Variants in LY86 observed in about 807,000 individuals in gnomAD.
The protein encoded by LY86 is lymphocyte antigen 86, also known as MD-1, RP105-associated.
In LY86, 20 loss-of-function variants were observed where a neutral mutation model predicts 17.3. The observed-to-expected ratio is 1.15, with a 90% confidence interval of 0.81 to 1.68. The LOEUF is 1.68. Among genes scored for constraint, LY86 ranks in the 40% most tolerant of loss-of-function variants. LY86 has a pLI of 0.00. For synonymous variants in LY86, 74 were observed against 70.6 expected, an observed-to-expected ratio of 1.05 and a Z score of -0.24; for missense variants, 200 against 191.9, an observed-to-expected ratio of 1.04 and a Z score of -0.25.
intron 4 of LY86, among the ~76,000 whole-genome samples, chr6:6,653,616 T>C (rs989900475): frequency 9.2e-5 from 14 of 152,222 alleles, no homozygotes; most frequent in African/African-American, 3.1e-4. Flanking sequence ...ACAGTGTTGC[T>C]GCCAGCAAGG....
chr6:6,590,118 T>TA (rs34637229), intron 1 of LY86, among the ~76,000 whole-genome samples: 12,787 of 80,442 alleles, frequency 0.16, 1,236 homozygotes, highest in Non-Finnish European at 0.18. Flanking sequence ...AACTCTGTCT[T>TA]AAAAAAAAAA....
chr6:6,597,340 C>T (rs985099001), intron 1 of LY86, among the ~76,000 whole-genome samples: 5 of 152,256 alleles, frequency 3.3e-5, no homozygotes, highest in Non-Finnish European at 5.9e-5. Flanking sequence ...CAGAGGTTGT[C>T]GATCCTAATT....
In LY86 at chr6:6,646,858, G is replaced by A. The variant is rs183465664; in HGVS notation, c.353-2767G>A. On this transcript the variant is annotated intron_variant, in intron 3 of 4. Coordinates refer to ENST00000230568, the MANE Select transcript of LY86 (RefSeq NM_004271.4). Reference sequence around the variant, plus strand: ...TTCAGTAGCATCAGAGCTGCTGAATGTCTCTAAGAAAATATACATCTGGGC... The same window carrying A: ...TTCAGTAGCATCAGAGCTGCTGAATATCTCTAAGAAAATATACATCTGGGC... Among the ~76,000 whole-genome samples, 274 of 152,272 alleles carry A rather than the reference G, an allele frequency of 1.8e-3. 1 individual carries two copies. Among genetic ancestry groups the A allele is most frequent in the Admixed American group, 3.1e-3 (47 of 15,296 alleles).
At chr6:6,608,315 T>G (rs1291461132) in intron 1 of LY86, among the ~76,000 whole-genome samples, 1 of 152,242 alleles carries the variant, frequency 6.6e-6, no homozygotes, top group African/African-American at 2.4e-5. Flanking sequence ...AGCAATTTAT[T>G]TGGGGACTAA....
intron 1 of LY86, among the ~76,000 whole-genome samples, chr6:6,619,051 T>C (rs1463380689): frequency 2.0e-5 from 3 of 152,180 alleles, no homozygotes; most frequent in African/African-American, 7.2e-5. Flanking sequence ...ACTGAAGCCT[T>C]ATGCATCATC....
intron 1 of LY86, among the ~76,000 whole-genome samples, chr6:6,595,737 T>A (rs1760692692): frequency 1.3e-5 from 2 of 152,206 alleles, no homozygotes; most frequent in South Asian, 4.1e-4. Flanking sequence ...GGCCACTCTC[T>A]TATCATTAAG....
At chr6:6,636,128 C>T (rs1281196222) in intron 3 of LY86, among the ~76,000 whole-genome samples, 2 of 152,108 alleles carry the variant, frequency 1.3e-5, no homozygotes, top group Non-Finnish European at 1.5e-5. Flanking sequence ...TCTTACAAGT[C>T]CCCCAGTGAG....
intron 3 of LY86, among the ~76,000 whole-genome samples, chr6:6,626,821 A>G (rs1406617494): frequency 6.9e-6 from 1 of 143,972 alleles, no homozygotes; most frequent in Non-Finnish European, 1.5e-5. Context: ...ATGGACTTCA[A>G]AAACGAAAAA....
intron 1 of LY86, among the ~76,000 whole-genome samples, chr6:6,613,230 C>G (rs1313455417): frequency 1.3e-5 from 2 of 152,150 alleles, no homozygotes; most frequent in Non-Finnish European, 2.9e-5. Flanking sequence ...GGATCCGGCA[C>G]TAGGGCCGCA....
rs5743646 is a variant in LY86 at position 6,589,010 on chromosome 6, T to C, written c.136+140T>C. ...ACACTTTCTCCACCTGCAGCAGGTCTGGGAGGGCCACTGGGAGCTTTTGGA... is the reference window on the plus strand; with the variant it reads ...ACACTTTCTCCACCTGCAGCAGGTCCGGGAGGGCCACTGGGAGCTTTTGGA... On this transcript the variant is annotated intron_variant, in intron 1 of 4. Coordinates refer to ENST00000230568, the MANE Select transcript of LY86 (RefSeq NM_004271.4). The C allele has an allele frequency of 3.9e-3, 4,521 of 1,145,464 alleles. 129 individuals are homozygous for C. The African/African-American group carries it at 0.062, about 16-fold the overall frequency. The allele number at this position is 1,145,464 out of a possible 1,614,324, so 71.0% of individuals were successfully genotyped here.
chr6:6,638,814 C>T (rs1761997338), intron 3 of LY86, among the ~76,000 whole-genome samples: 1 of 112,744 alleles, frequency 8.9e-6, no homozygotes, highest in South Asian at 4.0e-4. Context: ...CCCCCTCCCC[C>T]CACCCCACAA....
intron 1 of LY86, among the ~76,000 whole-genome samples, chr6:6,592,668 T>C (rs573106035): frequency 1.2e-3 from 181 of 152,244 alleles, no homozygotes; most frequent in Middle Eastern, 6.8e-3. Context: ...ACTTCATAAA[T>C]GGGATTAATA....
At chr6:6,599,956 C>T (rs1760846763) in intron 1 of LY86, among the ~76,000 whole-genome samples, 1 of 150,640 alleles carries the variant, frequency 6.6e-6, no homozygotes, top group Admixed American at 6.6e-5. Context: ...ACCAGACCCT[C>T]TCCTGCACAC....
At chr6:6,613,181 T>G (rs1326240564) in intron 1 of LY86, among the ~76,000 whole-genome samples, 1 of 152,204 alleles carries the variant, frequency 6.6e-6, no homozygotes, top group Non-Finnish European at 1.5e-5. Context: ...ATTCTCCAAG[T>G]TCCCACCAGA....
rs189132575 is a variant in LY86 at position 6,632,551 on chromosome 6, C to G, written c.352+6130C>G. 6.6e-5 allele frequency among the ~76,000 whole-genome samples: 10 copies of G among 152,252 alleles called. No homozygotes were observed. The East Asian group carries it at 1.9e-3, about 29-fold the overall frequency. On this transcript the variant is annotated intron_variant, in intron 3 of 4. Transcript: ENST00000230568. ...GATTGATAAACTCTGGTGGGTCTGTCATAGAAACAGGCCAGAGGACTCAAA... is the reference window on the plus strand; with the variant it reads ...GATTGATAAACTCTGGTGGGTCTGTGATAGAAACAGGCCAGAGGACTCAAA...
intron 3 of LY86, among the ~76,000 whole-genome samples, chr6:6,643,919 C>A (rs1437886405): frequency 6.6e-6 from 1 of 152,184 alleles, no homozygotes; most frequent in Non-Finnish European, 1.5e-5. Context: ...CCCTACTGGG[C>A]CCAGCAGGTG....
chr6:6,603,632 A>AAAAAAAAACAAAACAC (rs1561778111), intron 1 of LY86, among the ~76,000 whole-genome samples: 2 of 135,810 alleles, frequency 1.5e-5, no homozygotes, highest in African/African-American at 5.3e-5. Flanking sequence ...AAAAAAACAA[A>AAAAAAAAACAAAACAC]ACACACACAC....
intron 1 of LY86, among the ~76,000 whole-genome samples, chr6:6,611,597 CGCT>C (rs1177109493): frequency 2.6e-5 from 4 of 152,312 alleles, no homozygotes; most frequent in East Asian, 3.9e-4. Flanking sequence ...CAAGGCAAAG[CGCT>C]GCTACCTGTC....
At chr6:6,613,302 G>C (rs1289852723) in intron 1 of LY86, among the ~76,000 whole-genome samples, 1 of 152,224 alleles carries the variant, frequency 6.6e-6, no homozygotes, top group African/African-American at 2.4e-5. Context: ...GTGCAGTCTA[G>C]GGGACGGAGC....
Sources: allele counts gnomAD v4.1 joint callset (sites outside exome capture counted in the v4.1 genomes callset), GRCh38; gene constraint gnomAD v4.1.1; transcripts MANE v1.5; gene names NCBI Gene and HGNC (gene_info 2026-07-23, HGNC 2026-07-21).